The following DLGAP2 variants were observed in gnomAD, a reference collection of about 807,000 sequenced individuals.
DLGAP2 encodes DLG associated protein 2, also known as disks large-associated protein 2.
In DLGAP2, 26 loss-of-function variants were observed where a neutral mutation model predicts 100.3. That is an observed-to-expected ratio of 0.26 (90% CI 0.19 to 0.36). DLGAP2 has a LOEUF of 0.36. Ranked by LOEUF, DLGAP2 falls within the 10% of genes least tolerant of loss-of-function variation. The pLI, the probability that DLGAP2 is intolerant of heterozygous loss-of-function variation, is 1.00. For missense variants in DLGAP2, 1,858 were observed against 1,453.2 expected (o/e 1.28, Z -4.53); for synonymous variants, 886 against 630.1 (o/e 1.41, Z -6.08).
At chr8:1,447,051 G>T (rs1368724936) in intron 3 of DLGAP2, among the ~76,000 whole-genome samples, 1 of 152,180 alleles carries the variant, frequency 6.6e-6, no homozygotes, top group Non-Finnish European at 1.5e-5. Flanking sequence ...GGGACAATTT[G>T]ACTTCCTCTT....
At chr8:1,285,039 A>G (rs1185323749) in intron 3 of DLGAP2, among the ~76,000 whole-genome samples, 3 of 152,202 alleles carry the variant, frequency 2.0e-5, no homozygotes, top group African/African-American at 7.2e-5. Context: ...GTGTTTTTCC[A>G]TAATTTAGCA....
chr8:980,920 A>T (rs1358662469), intron 2 of DLGAP2, among the ~76,000 whole-genome samples: 1 of 152,166 alleles, frequency 6.6e-6, no homozygotes, highest in Non-Finnish European at 1.5e-5. Flanking sequence ...ATAGTGGCAA[A>T]ATGTACATAA....
In DLGAP2 at chr8:759,394, G is replaced by A. The variant is rs574122398; in HGVS notation, c.18+21569G>A. On this transcript the variant is annotated intron_variant, in intron 1 of 14. Transcript: ENST00000637795. ...TTGCCGTGTGGAGTCCATGGTTGAC[G>A]TGGCTCCCCCTGGGCTGCACGTTTC... 4.6e-5 allele frequency among the ~76,000 whole-genome samples: 7 copies of A among 152,184 alleles called. No homozygotes were observed. The East Asian group carries it at 1.2e-3, about 25-fold the overall frequency.
At chr8:1,361,844 G>C (rs555900840) in intron 3 of DLGAP2, among the ~76,000 whole-genome samples, 9 of 152,228 alleles carry the variant, frequency 5.9e-5, no homozygotes, top group African/African-American at 2.2e-4. Flanking sequence ...GCGTCTTCTA[G>C]TGCAGGCCTG....
intron 3 of DLGAP2, among the ~76,000 whole-genome samples, chr8:1,439,099 G>C (rs1174727011): frequency 6.6e-6 from 1 of 152,200 alleles, no homozygotes; most frequent in Non-Finnish European, 1.5e-5. Flanking sequence ...GCTGGGCTGA[G>C]AAAGTGGTGA....
At chr8:1,144,011 C>T (rs113748551) in intron 2 of DLGAP2, among the ~76,000 whole-genome samples, 1 of 152,188 alleles carries the variant, frequency 6.6e-6, no homozygotes, top group African/African-American at 2.4e-5. Context: ...AGACCATATT[C>T]CCCACAAAGC....
chr8:1,624,328 G>A (rs1019282355), intron 6 of DLGAP2, among the ~76,000 whole-genome samples: 6 of 152,198 alleles, frequency 3.9e-5, no homozygotes, highest in South Asian at 2.1e-4. Flanking sequence ...TTTCTGCAAA[G>A]ACAAAGGTGA....
rs77620624 is a variant in DLGAP2, at chr8:1,164,150, C to A, written c.74-94701C>A. Among the ~76,000 whole-genome samples the A allele has an allele frequency of 1.2e-3, 108 of 89,768 alleles. 8 individuals carry two copies. The highest frequency in any genetic ancestry group is 0.015 in the Middle Eastern group (2 of 130). The allele number at this position is 89,768 out of a possible 152,430, so 58.9% of individuals were successfully genotyped here. On this transcript the variant is annotated intron_variant, in intron 2 of 14. Transcript: ENST00000637795. The stretch of plus-strand genomic sequence containing the variant: ...GTCATTTTGGTTTGTGGGGATTTTT[C>A]TGTGAGCCCCCCAGGGCCCGTCATT...
intron 2 of DLGAP2, among the ~76,000 whole-genome samples, chr8:968,063 T>C (rs559764841): frequency 1.0e-3 from 156 of 151,662 alleles, no homozygotes; most frequent in Admixed American, 1.8e-3. Flanking sequence ...CACATTGTTA[T>C]TCACCTGTCT....
intron 3 of DLGAP2, among the ~76,000 whole-genome samples, chr8:1,261,585 G>C: frequency 6.6e-6 from 1 of 151,766 alleles, no homozygotes; most frequent in South Asian, 2.1e-4. Flanking sequence ...GGCAGTGGGG[G>C]GTGGGGCTCC....
chr8:1,271,074 A>G (rs1028603722), intron 3 of DLGAP2, among the ~76,000 whole-genome samples: 3 of 152,212 alleles, frequency 2.0e-5, no homozygotes, highest in Admixed American at 1.3e-4. Context: ...CCACGTCTTC[A>G]TGAAATAAGT....
At chr8:1,124,816 T>C (rs1400628372) in intron 2 of DLGAP2, among the ~76,000 whole-genome samples, 1 of 152,282 alleles carries the variant, frequency 6.6e-6, no homozygotes, top group East Asian at 1.9e-4. Flanking sequence ...TTTTAGTGGG[T>C]AGAAGCCAGT....
intron 2 of DLGAP2, among the ~76,000 whole-genome samples, chr8:1,220,842 T>A: frequency 6.6e-6 from 1 of 151,282 alleles, no homozygotes; most frequent in East Asian, 2.0e-4. Flanking sequence ...TTGAACCTTT[T>A]ATCATTATGT....
chr8:777,102 T>A (rs1156823384), intron 1 of DLGAP2, among the ~76,000 whole-genome samples: 6 of 152,172 alleles, frequency 3.9e-5, no homozygotes, highest in African/African-American at 1.4e-4. Context: ...TACCATTATG[T>A]AATGGCCTTC....
chr8:1,638,387 T>C (rs1367637027), intron 8 of DLGAP2, among the ~76,000 whole-genome samples: 2 of 152,054 alleles, frequency 1.3e-5, no homozygotes, highest in Non-Finnish European at 2.9e-5. Context: ...GAAGACGGCA[T>C]GTGCACACCC....
At chr8:1,192,463 A>G (rs1797660245) in intron 2 of DLGAP2, among the ~76,000 whole-genome samples, 1 of 152,072 alleles carries the variant, frequency 6.6e-6, no homozygotes, top group Non-Finnish European at 1.5e-5. Flanking sequence ...ATGTGTTGCT[A>G]TGAACTGCAG....
chr8:861,349 C>T (rs1585943949), intron 1 of DLGAP2, among the ~76,000 whole-genome samples: 2 of 152,290 alleles, frequency 1.3e-5, no homozygotes, highest in South Asian at 4.2e-4. Flanking sequence ...TTGGTGTCTG[C>T]ACGGGGTCCT....
intron 5 of DLGAP2, among the ~76,000 whole-genome samples, chr8:1,559,288 C>G (rs777846775): frequency 1.3e-4 from 20 of 152,194 alleles, no homozygotes; most frequent in Non-Finnish European, 2.2e-4. Context: ...TCACTGAAGG[C>G]CATAAAGCCA....
chr8:994,137 A>T (rs1472129690), intron 2 of DLGAP2, among the ~76,000 whole-genome samples: 1 of 152,122 alleles, frequency 6.6e-6, no homozygotes, highest in Non-Finnish European at 1.5e-5. Flanking sequence ...ATTAGTGATT[A>T]TTATTGGGGA....
Sources: gnomAD v4.1 joint callset for allele counts (sites outside exome capture counted in the v4.1 genomes callset) on GRCh38, gnomAD v4.1.1 for gene constraint, MANE v1.5 for transcripts, NCBI Gene and HGNC (gene_info 2026-07-23, HGNC 2026-07-21) for gene names.